The following DHRS12 variants were observed in gnomAD, a reference collection of about 807,000 sequenced individuals.
The protein encoded by DHRS12 is dehydrogenase/reductase 12, also known as dehydrogenase/reductase SDR family member 12.
A neutral mutation model predicts 32.1 loss-of-function variants in DHRS12; 29 were observed. The observed-to-expected ratio is 0.90, with a 90% CI of 0.67 to 1.23. DHRS12 has a LOEUF of 1.23. Ranked by LOEUF, DHRS12 falls within the 50% of genes most tolerant of loss-of-function variation. DHRS12 has a pLI of 0.00. For synonymous variants in DHRS12, 150 were observed against 135.9 expected, an observed-to-expected ratio of 1.10 and a Z score of -0.72; for missense variants, 330 against 337.2, an observed-to-expected ratio of 0.98 and a Z score of 0.17.
chr13:51,798,257 G>A (rs1027614936), intron 2 of DHRS12, among the ~76,000 whole-genome samples: 4 of 152,190 alleles, frequency 2.6e-5, no homozygotes, highest in Admixed American at 2.0e-4. Flanking sequence ...CATGTAGGGA[G>A]CTTTTAAAGA....
chr13:51,788,271 A>G (rs1955088532), intron 4 of DHRS12, among the ~76,000 whole-genome samples: 1 of 152,062 alleles, frequency 6.6e-6, no homozygotes, highest in African/African-American at 2.4e-5. Context: ...TCGAGTTATG[A>G]GCCAAACTCT....
At chr13:51,802,218 C>CACACACACACACA (rs746047641) in intron 1 of DHRS12, among the ~76,000 whole-genome samples, 2 of 99,684 alleles carry the variant, frequency 2.0e-5, no homozygotes, top group Non-Finnish European at 3.9e-5. Flanking sequence ...CACACACACA[C>CACACACACACACA]GACTTTCCCA....
At chr13:51,755,309 T>C in the DHRS12 span, 2 of 1,575,762 alleles carry the variant, frequency 1.3e-6, no homozygotes, top group South Asian at 2.2e-5. Context: ...TGGTTTCCAT[T>C]GTCCTGACTG....
the DHRS12 span, among the ~76,000 whole-genome samples, chr13:51,759,147 C>A: frequency 0.13 from 19,066 of 152,212 alleles, 1,481 homozygotes; most frequent in South Asian, 0.22. Flanking sequence ...TGCCACTGTA[C>A]TCCAGCCTGG....
chr13:51,793,471 CAT>C (rs1227514960), intron 2 of DHRS12, among the ~76,000 whole-genome samples: 1 of 152,218 alleles, frequency 6.6e-6, no homozygotes, highest in Non-Finnish European at 1.5e-5. Flanking sequence ...CATCTTAAAA[CAT>C]ATTGTTTTCT....
intron 4 of DHRS12, among the ~76,000 whole-genome samples, chr13:51,779,257 C>G (rs1343909859): frequency 6.6e-6 from 1 of 152,194 alleles, no homozygotes; most frequent in Non-Finnish European, 1.5e-5. Context: ...CACTCTGGCC[C>G]CCATTGAATT....
At chr13:51,787,783 TTATAA>T (rs920401749) in intron 4 of DHRS12, among the ~76,000 whole-genome samples, 1 of 20,054 alleles carries the variant, frequency 5.0e-5, no homozygotes, top group African/African-American at 1.7e-4. Flanking sequence ...TATATATAAT[TTATAA>T]TATATTAATA....
intron 7 of DHRS12, chr13:51,771,004 G>T (rs1953983375): frequency 7.2e-7 from 1 of 1,392,636 alleles, no homozygotes; most frequent in South Asian, 1.7e-5. Flanking sequence ...TTTCAGAAAG[G>T]CCATGCCAGC....
At chr13:51,801,678 G>A (rs979342814) in intron 1 of DHRS12, among the ~76,000 whole-genome samples, 4 of 152,198 alleles carry the variant, frequency 2.6e-5, no homozygotes, top group African/African-American at 7.2e-5. Context: ...TTTTCCGGTA[G>A]AGGCAAGGGC....
chr13:51,796,496 T>C lies in DHRS12; in HGVS notation c.126+3038A>G, dbSNP rs891789584. ...AGGCAAGGGCTTGCTTTCTCCCCAG[T>C]GCAGGAACATGCTTGCTCCCCTTTT... On this transcript the variant is annotated intron_variant, in intron 2 of 8. Coordinates refer to ENST00000444610, the MANE Select transcript of DHRS12 (RefSeq NM_001377533.1). Among the ~76,000 whole-genome samples, 5 of 152,236 alleles carry C rather than the reference T, an allele frequency of 3.3e-5. No homozygotes were observed. The East Asian group carries it at 5.8e-4, about 18-fold the overall frequency.
chr13:51,774,162 T>C (rs536068822), intron 5 of DHRS12, 128 bp from the exon 6 acceptor site: 16 of 708,108 alleles, frequency 2.3e-5, no homozygotes, highest in East Asian at 1.6e-4. Context: ...AAGCAACACA[T>C]TGTATTCTCC....
At chr13:51,759,689 T>TA in the DHRS12 span, 2 of 1,598,858 alleles carry the variant, frequency 1.3e-6, no homozygotes, top group South Asian at 2.2e-5. Context: ...TAAGGACTGT[T>TA]ATCCTCAACA....
rs192296771 is a variant in DHRS12 at position 51,789,796 on chromosome 13, A to G, written c.301+215T>C. On this transcript the variant is annotated intron_variant, in intron 4 of 8. Transcript: ENST00000444610. The stretch of plus-strand genomic sequence containing the variant: ...TTCCTAGGAAAAAAAACACTTCAAT[A>G]CTAAGTATTTCTGGCACCAACACCT... 2.1e-5 allele frequency: 21 copies of G among 985,448 alleles called. No homozygotes were observed. The African/African-American group carries it at 3.5e-4, about 16-fold the overall frequency. The allele number at this position is 985,448 out of a possible 1,614,324, so 61.0% of individuals were successfully genotyped here.
At chr13:51,786,004 C>T (rs2139192432) in intron 4 of DHRS12, among the ~76,000 whole-genome samples, 1 of 152,328 alleles carries the variant, frequency 6.6e-6, no homozygotes, top group Non-Finnish European at 1.5e-5. Context: ...TCAGTATGTG[C>T]TATTGTTATG....
chr13:51,783,322 C>T (rs1191143894), intron 4 of DHRS12, among the ~76,000 whole-genome samples: 1 of 152,120 alleles, frequency 6.6e-6, no homozygotes, highest in African/African-American at 2.4e-5. Flanking sequence ...AGGACACAGT[C>T]TCTCCAACAG....
chr13:51,785,281 T>C (rs926987888), intron 4 of DHRS12, among the ~76,000 whole-genome samples: 1 of 152,106 alleles, frequency 6.6e-6, no homozygotes, highest in Non-Finnish European at 1.5e-5. Flanking sequence ...TCGTTAGGTA[T>C]TTTGATTAAT....
chr13:51,802,793 A>C (rs1303530614), intron 1 of DHRS12, among the ~76,000 whole-genome samples: 2 of 152,336 alleles, frequency 1.3e-5, no homozygotes, highest in Non-Finnish European at 2.9e-5. Flanking sequence ...TAACTTTGCC[A>C]ACTGCCTTCC....
chr13:51,757,658 A>G, the DHRS12 span, among the ~76,000 whole-genome samples: 1 of 151,998 alleles, frequency 6.6e-6, no homozygotes, highest in Admixed American at 6.5e-5. Context: ...AAGTATAGGT[A>G]AAAAATAATG....
chr13:51,791,293 T>A, intron 2 of DHRS12, 36 bp from the exon 3 acceptor site: 1 of 1,199,238 alleles, frequency 8.3e-7, no homozygotes, highest in Non-Finnish European at 1.2e-6. Context: ...AAACCCTTTT[T>A]AAAAAGATAT....
Sources: gnomAD v4.1 joint callset for allele counts (sites outside exome capture counted in the v4.1 genomes callset) on GRCh38, gnomAD v4.1.1 for gene constraint, MANE v1.5 for transcripts, NCBI Gene and HGNC (gene_info 2026-07-23, HGNC 2026-07-21) for gene names.